The following MAP2K4 variants were observed in gnomAD, a reference collection of about 807,000 sequenced individuals.
The protein encoded by MAP2K4 is mitogen-activated protein kinase kinase 4.
A neutral mutation model predicts 48.5 loss-of-function variants in MAP2K4; 4 were observed. The observed-to-expected ratio is 0.08, with a 90% CI of 0.04 to 0.19. The LOEUF is 0.19. MAP2K4 is among the 10% of genes least tolerant of loss of function. The pLI is 1.00. For synonymous variants in MAP2K4, 166 were observed against 173.1 expected (o/e 0.96, Z 0.32); for missense variants, 258 against 493.3 (o/e 0.52, Z 4.52).
At chr17:12,056,940 A>C (rs1418482053) in intron 2 of MAP2K4, among the ~76,000 whole-genome samples, 2 of 152,150 alleles carry the variant, frequency 1.3e-5, no homozygotes, top group Non-Finnish European at 2.9e-5. Context: ...TTGAACTTTA[A>C]TAATTACAGA....
chr17:12,077,619 A>T (rs1971056233), intron 2 of MAP2K4, among the ~76,000 whole-genome samples: 1 of 152,124 alleles, frequency 6.6e-6, no homozygotes, highest in African/African-American at 2.4e-5. Flanking sequence ...CATTACCTAC[A>T]TTCCAGGCAA....
intron 8 of MAP2K4, 30 bp from the exon 9 acceptor site, chr17:12,129,109 A>G (rs765086674): frequency 1.3e-5 from 21 of 1,609,692 alleles, no homozygotes; most frequent in Non-Finnish European, 1.8e-5. Context: ...TGCCTGGTGT[A>G]TTTTGCTCTT....
chr17:12,119,998 G>A (rs1371537995), intron 7 of MAP2K4, among the ~76,000 whole-genome samples: 2 of 152,056 alleles, frequency 1.3e-5, no homozygotes, highest in African/African-American at 4.8e-5. Context: ...CAGACACTGG[G>A]GCCTACTTGA....
chr17:12,104,478 G>A (rs1009408074), intron 4 of MAP2K4, among the ~76,000 whole-genome samples: 2 of 151,868 alleles, frequency 1.3e-5, no homozygotes, highest in African/African-American at 4.8e-5. Context: ...TTAATTTTTG[G>A]CAGTTTGAAA....
chr17:12,125,456 G>A (rs972879769), intron 8 of MAP2K4, 85 bp downstream of exon 8: 40 of 1,059,334 alleles, frequency 3.8e-5, no homozygotes, highest in African/African-American at 1.4e-4. Flanking sequence ...AGACTTCCCC[G>A]TTCGTTAAGA....
intron 2 of MAP2K4, among the ~76,000 whole-genome samples, chr17:12,078,925 G>A (rs146224314): frequency 1.0e-3 from 154 of 152,254 alleles, no homozygotes; most frequent in Non-Finnish European, 1.9e-3. Flanking sequence ...TGGAAAGATC[G>A]CTAGCCCAGT....
At chr17:12,057,931 C>T (rs1970330695) in intron 2 of MAP2K4, among the ~76,000 whole-genome samples, 1 of 151,752 alleles carries the variant, frequency 6.6e-6, no homozygotes, top group Non-Finnish European at 1.5e-5. Flanking sequence ...TCTTTTACCT[C>T]TTTCTCAGTT....
At chr17:12,049,088 T>TAA (rs1463558589) in intron 1 of MAP2K4, among the ~76,000 whole-genome samples, 1 of 152,224 alleles carries the variant, frequency 6.6e-6, no homozygotes, top group African/African-American at 2.4e-5. Context: ...TGTTTGACTG[T>TAA]AAAGTTGCAT....
chr17:12,042,370 A>T lies in MAP2K4; in HGVS notation c.116-12519A>T, dbSNP rs1460096168. 5.3e-5 allele frequency among the ~76,000 whole-genome samples: 8 copies of T among 152,252 alleles called. No homozygotes were observed. In the East Asian group the frequency reaches 9.7e-4, roughly 18 times the overall value. ...TGTGAATTGTTTGCTTTGAGGGTAA[A>T]GTAATTGGTCAGTTGGACAAGGTAG... On this transcript the variant is annotated intron_variant, in intron 1 of 10. Coordinates refer to ENST00000353533, the MANE Select transcript of MAP2K4 (RefSeq NM_003010.4).
chr17:12,105,506 T>C (rs1389746193), intron 4 of MAP2K4, among the ~76,000 whole-genome samples: 1 of 152,158 alleles, frequency 6.6e-6, no homozygotes. Flanking sequence ...CTTCCTTATG[T>C]TACCTTAGTA....
chr17:12,068,760 A>ATG (rs994819411), intron 2 of MAP2K4, among the ~76,000 whole-genome samples: 6 of 148,810 alleles, frequency 4.0e-5, no homozygotes, highest in African/African-American at 1.5e-4. Context: ...TATTATATAT[A>ATG]TATATAGCGT....
At chr17:12,052,721 T>C (rs1008753565) in intron 1 of MAP2K4, among the ~76,000 whole-genome samples, 1 of 152,202 alleles carries the variant, frequency 6.6e-6, no homozygotes, top group Admixed American at 6.5e-5. Context: ...GTTTTTGATT[T>C]GAGGAGTTTG....
At chr17:12,036,817 T>G (rs1969613746) in intron 1 of MAP2K4, among the ~76,000 whole-genome samples, 1 of 152,140 alleles carries the variant, frequency 6.6e-6, no homozygotes, top group Non-Finnish European at 1.5e-5. Flanking sequence ...TGATAGTAGC[T>G]AGGCGTTTGG....
chr17:12,070,820 G>A (rs1031952891), intron 2 of MAP2K4, among the ~76,000 whole-genome samples: 1 of 152,238 alleles, frequency 6.6e-6, no homozygotes, highest in African/African-American at 2.4e-5. Flanking sequence ...ACAGAAAAAG[G>A]TTGTGACTCA....
chr17:12,040,352 A>G lies in MAP2K4; in HGVS notation c.116-14537A>G, dbSNP rs1458609792. On this transcript the variant is annotated intron_variant, in intron 1 of 10. Transcript: ENST00000353533. ...TGGTCATCTCTGACTTAACTATGCC[A>G]GTACTGAAGGATATGAAAGTGTATT... Among the ~76,000 whole-genome samples the G allele has an allele frequency of 2.0e-5, 3 of 152,346 alleles. No individual in the cohort carries two copies. The East Asian group carries it at 5.8e-4, about 29-fold the overall frequency.
intron 3 of MAP2K4, among the ~76,000 whole-genome samples, chr17:12,083,588 TGAG>T (rs1971263720): frequency 6.6e-6 from 1 of 152,230 alleles, no homozygotes; most frequent in Non-Finnish European, 1.5e-5. Context: ...AACATATAGT[TGAG>T]GAGTACCTTT....
chr17:12,030,901 G>T (rs1468303596), intron 1 of MAP2K4, among the ~76,000 whole-genome samples: 1 of 152,172 alleles, frequency 6.6e-6, no homozygotes, highest in Non-Finnish European at 1.5e-5. Context: ...GTGGGATGCG[G>T]GGAAGACTTG....
chr17:12,117,863 T>A (rs1972553260), intron 7 of MAP2K4, among the ~76,000 whole-genome samples: 1 of 152,200 alleles, frequency 6.6e-6, no homozygotes, highest in Non-Finnish European at 1.5e-5. Context: ...GCTGAAGTTC[T>A]GTGCTGAAAG....
intron 2 of MAP2K4, among the ~76,000 whole-genome samples, chr17:12,059,572 TG>T (rs950472441): frequency 1.3e-5 from 2 of 152,194 alleles, no homozygotes; most frequent in African/African-American, 4.8e-5. Flanking sequence ...TAAATAGTGG[TG>T]GATGCAGATA....
Sources: allele counts gnomAD v4.1 joint callset (sites outside exome capture counted in the v4.1 genomes callset), GRCh38; gene constraint gnomAD v4.1.1; transcripts MANE v1.5; gene names NCBI Gene and HGNC (gene_info 2026-07-23, HGNC 2026-07-21).